The following TBC1D22A variants were observed in gnomAD, a reference collection of about 807,000 sequenced individuals.
TBC1D22A encodes TBC1 domain family member 22A, also known as putative GTPase activator.
A neutral mutation model predicts 60.2 loss-of-function variants in TBC1D22A; 38 were observed. The observed-to-expected ratio is 0.63, with a 90% confidence interval of 0.49 to 0.83. The LOEUF (loss-of-function observed/expected upper bound fraction) is 0.83. TBC1D22A is among the 40% of genes least tolerant of loss of function. The probability of loss-of-function intolerance (pLI) is 0.00; values close to 1 mark genes in which losing one functional copy is unlikely to be tolerated. For synonymous variants in TBC1D22A, 302 were observed against 281.7 expected (o/e 1.07, Z -0.72); for missense variants, 628 against 701.0 (o/e 0.90, Z 1.18).
intron 11 of TBC1D22A, among the ~76,000 whole-genome samples, chr22:47,051,492 C>A (rs1387176832): frequency 6.6e-6 from 1 of 152,178 alleles, no homozygotes; most frequent in Non-Finnish European, 1.5e-5. Flanking sequence ...CTGGGTGCGG[C>A]AGGGGTGGCT....
At chr22:46,849,485 C>T (rs1319988316) in intron 4 of TBC1D22A, among the ~76,000 whole-genome samples, 1 of 152,208 alleles carries the variant, frequency 6.6e-6, no homozygotes, top group Non-Finnish European at 1.5e-5. Context: ...CAGTCTCTGT[C>T]ATCTTTATTA....
At chr22:46,764,261 C>G (rs2083208976) in intron 1 of TBC1D22A, 1 of 152,162 alleles carries the variant, frequency 6.6e-6, no homozygotes, top group South Asian at 2.1e-4. Context: ...TAAGACCTTT[C>G]AACAAAACCA....
chr22:46,959,821 G>A (rs565409205), intron 8 of TBC1D22A, among the ~76,000 whole-genome samples: 9 of 152,276 alleles, frequency 5.9e-5, no homozygotes, highest in Middle Eastern at 3.4e-3. Flanking sequence ...CAGACTCCAC[G>A]TTTTCTAATG....
intron 4 of TBC1D22A, among the ~76,000 whole-genome samples, chr22:46,806,060 T>C (rs1020411801): frequency 6.6e-6 from 1 of 151,902 alleles, no homozygotes; most frequent in Non-Finnish European, 1.5e-5. Context: ...ACCATGTTGG[T>C]CAGGCTGGTC....
chr22:47,152,408 G>C (rs1390694115), intron 12 of TBC1D22A, among the ~76,000 whole-genome samples: 1 of 152,190 alleles, frequency 6.6e-6, no homozygotes, highest in Non-Finnish European at 1.5e-5. Flanking sequence ...GCCGAAGTGG[G>C]TTCCTCCTCT....
At chr22:46,861,210 C>T (rs891667452) in intron 4 of TBC1D22A, among the ~76,000 whole-genome samples, 1 of 152,106 alleles carries the variant, frequency 6.6e-6, no homozygotes, top group Non-Finnish European at 1.5e-5. Context: ...CACCGTGCCT[C>T]GGCTTCCCAA....
At chr22:46,784,043 T>C (rs1196935669) in intron 1 of TBC1D22A, among the ~76,000 whole-genome samples, 1 of 152,196 alleles carries the variant, frequency 6.6e-6, no homozygotes, top group Non-Finnish European at 1.5e-5. Flanking sequence ...AAAAGTTTAT[T>C]GACTAATATC....
chr22:46,789,368 G>C, intron 1 of TBC1D22A: 1 of 454,388 alleles, frequency 2.2e-6, no homozygotes, highest in East Asian at 7.6e-5. Flanking sequence ...CTCGTGATCC[G>C]CCCGCCTCGG....
chr22:46,917,118 C>T (rs775091297), intron 8 of TBC1D22A, among the ~76,000 whole-genome samples: 6 of 152,104 alleles, frequency 3.9e-5, no homozygotes, highest in South Asian at 2.1e-4. Flanking sequence ...CCATTGGAGA[C>T]GACACTCAGC....
intron 9 of TBC1D22A, among the ~76,000 whole-genome samples, chr22:46,994,964 C>T (rs537738084): frequency 7.2e-5 from 11 of 152,352 alleles, no homozygotes; most frequent in South Asian, 4.1e-4. Context: ...TTCAAATATA[C>T]GAAAGCTCAC....
intron 4 of TBC1D22A, among the ~76,000 whole-genome samples, chr22:46,822,202 T>C (rs1272260178): frequency 6.6e-6 from 1 of 152,094 alleles, no homozygotes; most frequent in Non-Finnish European, 1.5e-5. Context: ...TAGCTCAGTG[T>C]AGTTTTTTAT....
At chr22:47,086,179 G>T (rs2064675983) in intron 11 of TBC1D22A, among the ~76,000 whole-genome samples, 1 of 152,150 alleles carries the variant, frequency 6.6e-6, no homozygotes, top group South Asian at 2.1e-4. Flanking sequence ...CTGTAGCCAT[G>T]GCTGGCCGAG....
chr22:47,013,535 A>C (rs1453321380), intron 10 of TBC1D22A, among the ~76,000 whole-genome samples: 3 of 152,212 alleles, frequency 2.0e-5, no homozygotes, highest in Admixed American at 1.3e-4. Context: ...GGTTACAAGT[A>C]GCTAGAGAGA....
At chr22:46,984,779 G>A (rs538499498) in intron 9 of TBC1D22A, among the ~76,000 whole-genome samples, 14 of 152,208 alleles carry the variant, frequency 9.2e-5, no homozygotes, top group Admixed American at 2.0e-4. Flanking sequence ...ACGCAGTGGC[G>A]TCATGACTCC....
At chr22:46,838,601 T>C (rs890074751) in intron 4 of TBC1D22A, among the ~76,000 whole-genome samples, 4 of 152,170 alleles carry the variant, frequency 2.6e-5, no homozygotes, top group Non-Finnish European at 5.9e-5. Context: ...GACAAGGACA[T>C]TACAAGAAAA....
Position 47,102,641 on chromosome 22 carries a change from G to A in TBC1D22A, c.1330-8867G>A, listed in dbSNP as rs189985240. Among the ~76,000 whole-genome samples, 158 of 152,284 alleles carry A rather than the reference G, an allele frequency of 1.0e-3. 1 individual carries two copies. The highest frequency in any genetic ancestry group is 3.7e-3 in the African/African-American group (153 of 41,554). ...CACTTAAGTGATGCCGTAAAGCTCT[G>A]TTTTCCCCCAGTGCTGTGTTTCTGG... On this transcript the variant is annotated intron_variant, in intron 11 of 12. Transcript: ENST00000337137.
At chr22:47,147,568 G>C (rs2067331181) in intron 12 of TBC1D22A, among the ~76,000 whole-genome samples, 1 of 152,228 alleles carries the variant, frequency 6.6e-6, no homozygotes, top group Admixed American at 6.5e-5. Context: ...GAGAGGCCTT[G>C]GGGCATAGGT....
At chr22:47,111,454 A>AT in intron 11 of TBC1D22A, 54 bp from the exon 12 acceptor site, 1 of 1,514,062 alleles carries the variant, frequency 6.6e-7, no homozygotes, top group Non-Finnish European at 9.1e-7. Context: ...CCTCGCAGTG[A>AT]TGTTAATGGG....
At chr22:46,834,016 C>A (rs1422914467) in intron 4 of TBC1D22A, among the ~76,000 whole-genome samples, 1 of 152,042 alleles carries the variant, frequency 6.6e-6, no homozygotes, top group Non-Finnish European at 1.5e-5. Flanking sequence ...AATTCTTATT[C>A]TTCTCAACAC....
Sources: gnomAD v4.1 joint callset for allele counts (sites outside exome capture counted in the v4.1 genomes callset) on GRCh38, gnomAD v4.1.1 for gene constraint, MANE v1.5 for transcripts, NCBI Gene and HGNC (gene_info 2026-07-23, HGNC 2026-07-21) for gene names.